TPST1: variants seen among roughly 807,000 people sequenced by gnomAD.
TPST1 encodes the protein tyrosylprotein sulfotransferase 1, also known as protein-tyrosine sulfotransferase 1.
TPST1 carries 20 observed loss-of-function variants against 34.8 expected under a neutral mutation model. That is an observed-to-expected ratio of 0.57 (90% CI 0.40 to 0.84). The LOEUF is 0.84. Ranked by LOEUF, TPST1 falls within the 40% of genes least tolerant of loss-of-function variation. The probability of loss-of-function intolerance (pLI) is 0.00; values close to 1 mark genes in which losing one functional copy is unlikely to be tolerated. For missense variants in TPST1, 353 were observed against 455.5 expected (o/e 0.78, Z 2.05); for synonymous variants, 152 against 159.4 (o/e 0.95, Z 0.35).
intron 3 of TPST1, among the ~76,000 whole-genome samples, chr7:66,319,331 T>G (rs1188341815): frequency 3.9e-5 from 6 of 152,214 alleles, no homozygotes; most frequent in Non-Finnish European, 8.8e-5. Flanking sequence ...TCTTCATCTG[T>G]TTCATTTGCT....
intron 3 of TPST1, among the ~76,000 whole-genome samples, chr7:66,306,929 G>A (rs769185531): frequency 4.6e-5 from 7 of 152,104 alleles, no homozygotes; most frequent in South Asian, 4.1e-4. Flanking sequence ...TGGCCAGGCT[G>A]GTCTTGAACT....
chr7:66,345,190 GA>G (rs1792320486), intron 3 of TPST1, among the ~76,000 whole-genome samples: 1 of 151,596 alleles, frequency 6.6e-6, no homozygotes, highest in Non-Finnish European at 1.5e-5. Context: ...AGAAAGTTAA[GA>G]AAACAAGCAA....
chr7:66,315,103 T>TATG (rs1791606326), intron 3 of TPST1, among the ~76,000 whole-genome samples: 1 of 152,232 alleles, frequency 6.6e-6, no homozygotes, highest in Non-Finnish European at 1.5e-5. Flanking sequence ...TTGTATCTGT[T>TATG]ATGATAATGA....
At chr7:66,235,741 C>G (rs1027457992) in intron 1 of TPST1, among the ~76,000 whole-genome samples, 6 of 152,106 alleles carry the variant, frequency 3.9e-5, no homozygotes, top group Non-Finnish European at 8.8e-5. Flanking sequence ...AGTTGAGATA[C>G]AGCTTGGTTT....
intron 1 of TPST1, among the ~76,000 whole-genome samples, chr7:66,212,634 A>G (rs1789288552): frequency 3.3e-5 from 5 of 151,722 alleles, no homozygotes; most frequent in Admixed American, 3.3e-4. Flanking sequence ...TAATTTTTGT[A>G]TTTTTAGTAG....
intron 1 of TPST1, among the ~76,000 whole-genome samples, chr7:66,238,647 AG>A (rs1203693552): frequency 6.6e-6 from 1 of 152,100 alleles, no homozygotes; most frequent in Non-Finnish European, 1.5e-5. Flanking sequence ...TGTATTATGG[AG>A]GGTAATCCAC....
At chr7:66,243,941 A>ATTTTTTTTTTTTTTTTTT (rs55829208) in intron 2 of TPST1, among the ~76,000 whole-genome samples, 1 of 116,232 alleles carries the variant, frequency 8.6e-6, no homozygotes. Context: ...ATTCTGGGAA[A>ATTTTTTTTTTTTTTTTTT]TTTTTTTTTT....
rs149319025 is a variant in TPST1, at chr7:66,266,979, A to T, written c.846-19532A>T. 7.0e-3 allele frequency among the ~76,000 whole-genome samples: 1,065 copies of T among 152,320 alleles called. 4 individuals carry two copies. The highest frequency in any genetic ancestry group is 0.014 in the Middle Eastern group (4 of 294). On this transcript the variant is annotated intron_variant, in intron 2 of 5. Transcript: ENST00000304842. ...GTATATATAAAATTTTGAGTTACAC[A>T]CTTCAGACAGTGTTGCTGTTAAGAT...
intron 3 of TPST1, among the ~76,000 whole-genome samples, chr7:66,323,192 T>C (rs1047316198): frequency 1.3e-5 from 2 of 152,164 alleles, no homozygotes; most frequent in African/African-American, 4.8e-5. Context: ...ATTGTGTTTC[T>C]TTAGAGTTGA....
At chr7:66,353,143 C>T (rs1792515095) in intron 4 of TPST1, among the ~76,000 whole-genome samples, 1 of 152,162 alleles carries the variant, frequency 6.6e-6, no homozygotes, top group South Asian at 2.1e-4. Flanking sequence ...GGTGAAACCT[C>T]ATCTCTACTG....
Position 66,303,391 on chromosome 7 carries a change from G to GTGTA in TPST1, c.1044+16704_1044+16707dup, listed in dbSNP as rs6150141. Among the ~76,000 whole-genome samples the GTGTA allele has an allele frequency of 1.6e-3, 233 of 150,164 alleles. 1 individual carries two copies. The highest frequency in any genetic ancestry group is 5.0e-3 in the African/African-American group (204 of 40,648). ...TTTGTATTTAGAAAAACAGCTGTGT[G>GTGTA]TGTATGTATGTATGTATGTATGTAT... On this transcript the variant is annotated intron_variant, in intron 3 of 5. Transcript: ENST00000304842.
upstream of TPST1, among the ~76,000 whole-genome samples, chr7:66,201,500 G>T (rs931710054): frequency 4.6e-5 from 7 of 152,020 alleles, no homozygotes; most frequent in African/African-American, 1.7e-4. Flanking sequence ...AGACCAGCCT[G>T]GCCAACATGG....
chr7:66,330,592 C>T (rs983714967), intron 3 of TPST1, among the ~76,000 whole-genome samples: 3 of 152,132 alleles, frequency 2.0e-5, no homozygotes, highest in Non-Finnish European at 4.4e-5. Flanking sequence ...CTAAACTTTC[C>T]ACAACTACCT....
chr7:66,347,059 CTTTTTTTTTTTTT>C (rs71051352), intron 3 of TPST1, among the ~76,000 whole-genome samples: 4 of 59,960 alleles, frequency 6.7e-5, no homozygotes, highest in African/African-American at 2.7e-4. Context: ...CTTTGCTTTT[CTTTTTTTTTTTTT>C]TTTTTTTTTT....
intron 3 of TPST1, among the ~76,000 whole-genome samples, chr7:66,321,722 GTTC>G (rs1172168392): frequency 1.3e-5 from 2 of 152,198 alleles, no homozygotes; most frequent in Non-Finnish European, 2.9e-5. Context: ...AAGAACTTCA[GTTC>G]TTCTACTTTG....
At chr7:66,351,728 C>G (rs1263451528) in intron 3 of TPST1, among the ~76,000 whole-genome samples, 1 of 149,186 alleles carries the variant, frequency 6.7e-6, no homozygotes, top group African/African-American at 2.5e-5. Context: ...AGGAGAATGG[C>G]TATCTTTATT....
At chr7:66,242,639 C>T (rs1790059732) in intron 2 of TPST1, among the ~76,000 whole-genome samples, 1 of 151,970 alleles carries the variant, frequency 6.6e-6, no homozygotes, top group South Asian at 2.1e-4. Context: ...TTTTAATCAC[C>T]TGTATTAGGT....
chr7:66,237,780 T>C (rs1245852554), intron 1 of TPST1, among the ~76,000 whole-genome samples: 1 of 152,118 alleles, frequency 6.6e-6, no homozygotes, highest in Non-Finnish European at 1.5e-5. Context: ...CTTATGCGAT[T>C]GTGGGGCTTT....
At position 66,240,407 on chromosome 7, in the gene TPST1, A is replaced by C. The variant is rs1562809717; in HGVS notation, c.-19A>C. 6.2e-7 allele frequency: 1 copy of C among 1,603,310 alleles called. No individual in the cohort carries two copies. The highest frequency in any genetic ancestry group is 2.2e-5 in the East Asian group (1 of 44,724). On this transcript the variant is annotated 5_prime_UTR_variant, in exon 2 of 6. Coordinates refer to ENST00000304842, the MANE Select transcript of TPST1 (RefSeq NM_003596.4). ...TTTTGAGCAAAATATCTGTTTAATAACAAGATAACCACATCAAGATGGTTG... is the reference window on the plus strand; with the variant it reads ...TTTTGAGCAAAATATCTGTTTAATACCAAGATAACCACATCAAGATGGTTG...
Sources: allele counts gnomAD v4.1 joint callset (sites outside exome capture counted in the v4.1 genomes callset), GRCh38; gene constraint gnomAD v4.1.1; transcripts MANE v1.5; gene names NCBI Gene and HGNC (gene_info 2026-07-23, HGNC 2026-07-21).